Variants in ORC2 observed in about 807,000 individuals in gnomAD.
ORC2 encodes the protein origin recognition complex protein 2 homolog.
In ORC2, 37 loss-of-function variants were observed where a neutral mutation model predicts 77.7. The ratio of observed to expected loss-of-function variants is 0.48; its 90% CI spans 0.37 to 0.63. The LOEUF is 0.63. Among genes scored for constraint, ORC2 ranks in the 20% least tolerant of loss-of-function variants. The pLI is 0.00. For missense variants in ORC2, 557 were observed against 661.9 expected, an observed-to-expected ratio of 0.84 and a Z score of 1.74; for synonymous variants, 201 against 229.5, an observed-to-expected ratio of 0.88 and a Z score of 1.12.
intron 4 of ORC2, among the ~76,000 whole-genome samples, chr2:200,955,978 A>G (rs1414377735): frequency 6.6e-6 from 1 of 152,238 alleles, no homozygotes; most frequent in Non-Finnish European, 1.5e-5. Context: ...TACTTCTTGA[A>G]ATGCTCCTCC....
chr2:200,924,966 G>C (rs1271887521), intron 13 of ORC2, among the ~76,000 whole-genome samples: 1 of 152,054 alleles, frequency 6.6e-6, no homozygotes, highest in African/African-American at 2.4e-5. Flanking sequence ...CACCATATTG[G>C]CCAGGCTGGT....
intron 17 of ORC2, 131 bp downstream of exon 17, chr2:200,913,164 C>G (rs2124924136): frequency 1.7e-6 from 1 of 593,286 alleles, no homozygotes; most frequent in Middle Eastern, 6.3e-4. Context: ...TGGCACATCC[C>G]CTAAATGAAT....
chr2:200,934,800 T>C (rs1451467056), intron 9 of ORC2, among the ~76,000 whole-genome samples: 1 of 152,202 alleles, frequency 6.6e-6, no homozygotes, highest in Non-Finnish European at 1.5e-5. Context: ...GTTCTTCTGA[T>C]TTTGGGCAGG....
intron 4 of ORC2, 98 bp downstream of exon 4, chr2:200,957,303 G>C: frequency 6.3e-6 from 5 of 796,224 alleles, no homozygotes; most frequent in Non-Finnish European, 9.5e-6. Context: ...TGATCATATA[G>C]AACACCACTG....
chr2:200,935,567 T>C, intron 9 of ORC2, 132 bp downstream of exon 9: 1 of 671,392 alleles, frequency 1.5e-6, no homozygotes, highest in Non-Finnish European at 2.4e-6. Context: ...TGGGAATTTA[T>C]GTGGAAGGCT....
rs745461981 is a variant in ORC2, at chr2:200,913,913, G to A, written c.1528+18C>T. ...TAAAACAAAAATTACACAATTGAATGTCATAAATATTGGATACCAATGTAA... is the reference window on the plus strand; with the variant it reads ...TAAAACAAAAATTACACAATTGAATATCATAAATATTGGATACCAATGTAA... On this transcript the variant is annotated intron_variant, in intron 16 of 17. Coordinates refer to ENST00000234296, the MANE Select transcript of ORC2 (RefSeq NM_006190.5). The A allele has an allele frequency of 1.9e-6, 3 of 1,570,966 alleles. No homozygotes were observed. Among genetic ancestry groups the A allele is most frequent in the South Asian group, 2.4e-5 (2 of 83,488 alleles).
rs1483137407 is a variant in ORC2 at position 200,957,711 on chromosome 2, T to C, written c.95-167A>G. On this transcript the variant is annotated intron_variant, in intron 3 of 17. Coordinates refer to ENST00000234296, the MANE Select transcript of ORC2 (RefSeq NM_006190.5). ...TCTGACCACTCTTCCACAGTTTATA[T>C]AGTTAAAAAAAAAAACACACACAAT... 3.3e-5 allele frequency among the ~76,000 whole-genome samples: 5 copies of C among 151,520 alleles called. No individual in the cohort carries two copies. In the South Asian group the frequency reaches 6.2e-4, roughly 19 times the overall value.
At chr2:200,950,431 G>A (rs1406605620) in intron 4 of ORC2, among the ~76,000 whole-genome samples, 1 of 152,100 alleles carries the variant, frequency 6.6e-6, no homozygotes, top group Non-Finnish European at 1.5e-5. Context: ...TTCATTTCTA[G>A]TATCCTACTT....
intron 2 of ORC2, 23 bp downstream of exon 2, chr2:200,959,369 G>T (rs2307357): frequency 3.2e-4 from 48 of 152,172 alleles, no homozygotes; most frequent in African/African-American, 1.1e-3. Context: ...ATGCTTAAAT[G>T]ACTTCTTTCA....
In ORC2 at chr2:200,931,439, G is replaced by A. The variant is rs750531765; in HGVS notation, c.817C>T (p.Arg273Cys). The A allele has an allele frequency of 2.3e-5, 35 of 1,548,110 alleles. No individual in the cohort carries two copies. The East Asian group carries it at 4.8e-4, about 21-fold the overall frequency. ...GGGGAAACCTTGCTCAATAAGTTAC[G>A]CAAAGTTTGCTTTAAAAAAAAGGAG... ...KRAKLDQQTLRNLLSKVSPSF... is the reference protein window; with the variant it reads ...KRAKLDQQTLCNLLSKVSPSF... Residue 273 changes from arginine to cysteine, a missense_variant, in exon 11 of 18, where the codon CGT becomes TGT. Physicochemically the swap from Arg to Cys is radical, Grantham distance 180 (BLOSUM62 -3). Coordinates refer to ENST00000234296, the MANE Select transcript of ORC2 (RefSeq NM_006190.5).
Position 200,911,235 on chromosome 2 carries a change from T to A in ORC2, c.*66A>T, listed in dbSNP as rs2040545449. On this transcript the variant is annotated 3_prime_UTR_variant, in exon 18 of 18. Coordinates refer to ENST00000234296, the MANE Select transcript of ORC2 (RefSeq NM_006190.5). ...TAATGTCAGATGTAAACACAACACT[T>A]TCAACTAGAGGAGTGGCAGCTGGGG... 1 of 918,168 alleles carries A rather than the reference T, an allele frequency of 1.1e-6. No individual in the cohort carries two copies. Among genetic ancestry groups the A allele is most frequent in the Admixed American group, 1.9e-5 (1 of 51,618 alleles). The allele number at this position is 918,168 out of a possible 1,614,324, so 56.9% of individuals were successfully genotyped here. A position where few individuals can be genotyped will look rare whatever the true frequency, so the allele number is the denominator to read the frequency against.
At chr2:200,935,945 C>T in intron 8 of ORC2, 53 bp from the exon 9 acceptor site, 1 of 1,509,968 alleles carries the variant, frequency 6.6e-7, no homozygotes, top group Non-Finnish European at 9.0e-7. Flanking sequence ...ACAAGAGAGG[C>T]ATTGTGGGGT....
intron 5 of ORC2, among the ~76,000 whole-genome samples, chr2:200,943,800 GT>G (rs57805402): frequency 0.064 from 9,036 of 140,144 alleles, 833 homozygotes; most frequent in African/African-American, 0.21. Flanking sequence ...GATTCACTAA[GT>G]TTTTTTTTTT....
At chr2:200,939,132 A>G (rs1003587574) in intron 7 of ORC2, among the ~76,000 whole-genome samples, 1 of 151,946 alleles carries the variant, frequency 6.6e-6, no homozygotes, top group Non-Finnish European at 1.5e-5. Flanking sequence ...TTTGATCAAG[A>G]TCCTCAAAAA....
At chr2:200,936,949 A>G (rs2041057848) in intron 8 of ORC2, among the ~76,000 whole-genome samples, 1 of 152,104 alleles carries the variant, frequency 6.6e-6, no homozygotes, top group Non-Finnish European at 1.5e-5. Context: ...GATATACTGC[A>G]GAGGATTATC....
chr2:200,937,895 C>A lies in ORC2; in HGVS notation c.514+11G>T. On this transcript the variant is annotated intron_variant, in intron 8 of 17. Transcript: ENST00000234296. ...CTTTTTATAAAAAGTCATGTAAAAA[C>A]AAATACGTACCTATTAATCTTTTTC... The A allele has an allele frequency of 1.3e-6, 2 of 1,557,298 alleles. No individual in the cohort carries two copies. The highest frequency in any genetic ancestry group is 1.8e-5 in the Admixed American group (1 of 56,276).
chr2:200,941,434 G>T (rs1389832447), intron 6 of ORC2, among the ~76,000 whole-genome samples, 155 bp from the exon 7 acceptor site: 1 of 150,244 alleles, frequency 6.7e-6, no homozygotes, highest in Non-Finnish European at 1.5e-5. Context: ...TTGAGGCCAG[G>T]AGTTCAAGAC....
At chr2:200,949,003 C>T (rs1005338800) in intron 5 of ORC2, among the ~76,000 whole-genome samples, 7 of 152,012 alleles carry the variant, frequency 4.6e-5, no homozygotes, top group African/African-American at 1.7e-4. Context: ...CTTTGGGAAG[C>T]CGAGGTGGGT....
chr2:200,921,333 T>G (rs2040757137), intron 13 of ORC2, 194 bp from the exon 14 acceptor site: 1 of 322,240 alleles, frequency 3.1e-6, no homozygotes, highest in African/African-American at 2.1e-5. Flanking sequence ...AATTGTTTTT[T>G]TGGTAGAGAC....
Sources: gnomAD v4.1 joint callset for allele counts (sites outside exome capture counted in the v4.1 genomes callset) on GRCh38, gnomAD v4.1.1 for gene constraint, MANE v1.5 for transcripts, NCBI Gene and HGNC (gene_info 2026-07-23, HGNC 2026-07-21) for gene names.